The following ASB9 variants were observed in gnomAD, a reference collection of about 807,000 sequenced individuals.
The protein encoded by ASB9 is ankyrin repeat and SOCS box protein 9.
ASB9 carries 5 observed loss-of-function variants against 16.6 expected under a neutral mutation model. The ratio of observed to expected loss-of-function variants is 0.30; its 90% CI spans 0.16 to 0.63. The LOEUF is 0.63. Among genes scored for constraint, ASB9 ranks in the 30% least tolerant of loss-of-function variants. ASB9 has a pLI of 0.82. For synonymous variants in ASB9, 100 were observed against 86.4 expected, an observed-to-expected ratio of 1.16 and a Z score of -0.87; for missense variants, 216 against 229.4, an observed-to-expected ratio of 0.94 and a Z score of 0.38.
chrX:15,267,387 G>A (rs1172688517), intron 1 of ASB9, among the ~76,000 whole-genome samples: 3 of 97,070 alleles, frequency 3.1e-5, no homozygotes, highest in Non-Finnish European at 5.9e-5. Flanking sequence ...CTCCAGCCTG[G>A]TAACAGAGCG....
At chrX:15,258,245 A>G (rs1925728960) in intron 2 of ASB9, among the ~76,000 whole-genome samples, 1 of 112,249 alleles carries the variant, frequency 8.9e-6, no homozygotes, top group South Asian at 3.6e-4. Context: ...CTGATGTTTC[A>G]TAAACACATA....
intron 1 of ASB9, among the ~76,000 whole-genome samples, chrX:15,263,383 C>A (rs1926127613): frequency 9.0e-6 from 1 of 110,957 alleles, no homozygotes; most frequent in African/African-American, 3.3e-5. Context: ...TATTGTGGAC[C>A]TTGGTTTGAT....
At chrX:15,266,945 A>AGG (rs1926473713) in intron 1 of ASB9, among the ~76,000 whole-genome samples, 1 of 110,138 alleles carries the variant, frequency 9.1e-6, no homozygotes, top group Non-Finnish European at 1.9e-5. Context: ...CAAAAAAAAA[A>AGG]AAAAAAAAGA....
chrX:15,264,601 C>T (rs887557070), intron 1 of ASB9, among the ~76,000 whole-genome samples: 6 of 111,369 alleles, frequency 5.4e-5, no homozygotes, highest in Non-Finnish European at 1.1e-4. Flanking sequence ...ATGATCCACA[C>T]CTGGGCCCTA....
At chrX:15,254,160 C>T (rs964530489) in intron 3 of ASB9, among the ~76,000 whole-genome samples, 19 of 112,100 alleles carry the variant, frequency 1.7e-4, no homozygotes, top group Non-Finnish European at 3.2e-4. Flanking sequence ...ATGTTCTGAA[C>T]CCTCTCACCT....
At chrX:15,257,331 AGGAGGC>A (rs1194370120) in intron 2 of ASB9, among the ~76,000 whole-genome samples, 1 of 110,866 alleles carries the variant, frequency 9.0e-6, no homozygotes, top group East Asian at 2.8e-4. Flanking sequence ...GCTTCAACCC[AGGAGGC>A]GGAGGTTGCA....
chrX:15,260,940 G>C (rs1261419042), intron 1 of ASB9, among the ~76,000 whole-genome samples: 3 of 111,883 alleles, frequency 2.7e-5, no homozygotes, highest in Non-Finnish European at 5.6e-5. Context: ...GTACATAAAA[G>C]GAAGACAAAT....
chrX:15,244,642 T>C lies in ASB9; in HGVS notation c.761-12A>G, dbSNP rs1246064406. The C allele has an allele frequency of 8.4e-7, 1 of 1,194,460 alleles. No individual in the cohort carries two copies. The highest frequency in any genetic ancestry group is 3.0e-5 in the East Asian group (1 of 33,452). On this transcript the variant is annotated splice_polypyrimidine_tract_variant and intron_variant, in intron 6 of 6. Transcript: ENST00000380488. ...CAAAGAAGGGGGCCCTGGAGAAAGATCATAAGACAAGTCATACAATGGTGC... is the reference window on the plus strand; with the variant it reads ...CAAAGAAGGGGGCCCTGGAGAAAGACCATAAGACAAGTCATACAATGGTGC...
intron 6 of ASB9, among the ~76,000 whole-genome samples, chrX:15,245,647 C>G (rs1458465447): frequency 9.0e-6 from 1 of 111,537 alleles, no homozygotes; most frequent in Non-Finnish European, 1.9e-5. Flanking sequence ...GACGCTGAGT[C>G]CCCCCAACCA....
At chrX:15,263,588 TTCTC>T (rs10578883) in intron 1 of ASB9, among the ~76,000 whole-genome samples, 16 of 100,251 alleles carry the variant, frequency 1.6e-4, no homozygotes, top group East Asian at 3.2e-4. Flanking sequence ...TCCCTCTCTC[TTCTC>T]TCTCTCTCTC....
intron 5 of ASB9, among the ~76,000 whole-genome samples, 156 bp from the exon 6 acceptor site, chrX:15,249,091 T>C (rs1242209115): frequency 8.9e-6 from 1 of 112,053 alleles, no homozygotes; most frequent in Non-Finnish European, 1.9e-5. Context: ...TTCCATTTAA[T>C]AATGTGGGGA....
At position 15,266,032 on chromosome X, in the gene ASB9, A is replaced by G. The variant is rs754089054; in HGVS notation, c.94+3749T>C. On this transcript the variant is annotated intron_variant, in intron 1 of 6. Transcript: ENST00000380488. ...TGGTCAGGCTGGTCTGGAACTCCCA[A>G]CCTCAGGTGATCCGCCTGCCTCGGC... Among the ~76,000 whole-genome samples, 3 of 110,774 alleles carry G rather than the reference A, an allele frequency of 2.7e-5. No individual in the cohort carries two copies. In the East Asian group the frequency reaches 8.6e-4, roughly 32 times the overall value.
chrX:15,263,752 T>G (rs981515654), intron 1 of ASB9, among the ~76,000 whole-genome samples: 4 of 111,630 alleles, frequency 3.6e-5, no homozygotes, highest in Middle Eastern at 4.6e-3. Flanking sequence ...ATTGTTTTCT[T>G]TCAATACCTG....
intron 2 of ASB9, among the ~76,000 whole-genome samples, chrX:15,256,885 CA>C (rs1925616043): frequency 9.1e-6 from 1 of 109,838 alleles, no homozygotes; most frequent in East Asian, 2.9e-4. Flanking sequence ...CTTAAATGTC[CA>C]ATTGGCAGGA....
chrX:15,257,408 A>AT (rs1925658675), intron 2 of ASB9, among the ~76,000 whole-genome samples: 1 of 110,745 alleles, frequency 9.0e-6, no homozygotes, highest in South Asian at 3.8e-4. Flanking sequence ...CCATCTCAAA[A>AT]AAATAATAAT....
chrX:15,267,752 CAAAAAAA>C (rs76177108), intron 1 of ASB9, among the ~76,000 whole-genome samples: 13 of 83,622 alleles, frequency 1.6e-4, no homozygotes, highest in South Asian at 5.9e-4. Context: ...TCAAAAAAAA[CAAAAAAA>C]AAAAAAAAAA....
intron 4 of ASB9, among the ~76,000 whole-genome samples, chrX:15,250,782 C>T (rs1038328722): frequency 8.9e-6 from 1 of 111,899 alleles, no homozygotes; most frequent in East Asian, 2.8e-4. Flanking sequence ...AGTGCAGTGG[C>T]GCAATCTCGG....
chrX:15,265,641 A>ATT (rs34955369), intron 1 of ASB9, among the ~76,000 whole-genome samples: 6 of 101,722 alleles, frequency 5.9e-5, no homozygotes, highest in African/African-American at 2.2e-4. Context: ...CATCATCTGC[A>ATT]TTTTTTTTTT....
At chrX:15,257,498 C>T (rs1925670841) in intron 2 of ASB9, among the ~76,000 whole-genome samples, 1 of 111,694 alleles carries the variant, frequency 9.0e-6, no homozygotes, top group Non-Finnish European at 1.9e-5. Flanking sequence ...TACAACAACA[C>T]AGCTATTCGT....
Sources: allele counts gnomAD v4.1 joint callset (sites outside exome capture counted in the v4.1 genomes callset), GRCh38; gene constraint gnomAD v4.1.1; transcripts MANE v1.5; gene names NCBI Gene and HGNC (gene_info 2026-07-23, HGNC 2026-07-21).